GRIN2B: variants seen among roughly 807,000 people sequenced by gnomAD.
GRIN2B encodes glutamate receptor ionotropic, NMDA 2B.
A neutral mutation model predicts 114.5 loss-of-function variants in GRIN2B; 5 were observed. The observed-to-expected ratio is 0.04, with a 90% CI of 0.02 to 0.09. The LOEUF (loss-of-function observed/expected upper bound fraction) is 0.09. Among genes scored for constraint, GRIN2B ranks in the 10% least tolerant of loss-of-function variants. The probability of loss-of-function intolerance (pLI) is 1.00; values close to 1 mark genes in which losing one functional copy is unlikely to be tolerated. For synonymous variants in GRIN2B, 787 were observed against 745.1 expected (o/e 1.06, Z -0.92); for missense variants, 1,108 against 1,943.5 (o/e 0.57, Z 8.08).
intron 10 of GRIN2B, among the ~76,000 whole-genome samples, chr12:13,585,214 C>T (rs1036069825): frequency 3.9e-5 from 6 of 152,124 alleles, no homozygotes; most frequent in African/African-American, 9.7e-5. Flanking sequence ...GGTTCTAATA[C>T]GGTATCAGCA....
In GRIN2B at chr12:13,537,712, C is replaced by G. The variant is rs1591591066; in HGVS notation, c.*25071G>C. 1.3e-5 allele frequency: 2 copies of G among 152,252 alleles called. No individual in the cohort carries two copies. The highest frequency in any genetic ancestry group is 2.9e-5 in the Non-Finnish European group (2 of 68,104). The allele number at this position is 152,252 out of a possible 1,614,324, so 9.4% of individuals were successfully genotyped here. A position where few individuals can be genotyped will look rare whatever the true frequency, so the allele number is the denominator to read the frequency against. Reference sequence around the variant, plus strand: ...GCAAGTTTTCAACCCCTAACCCCTCCAGCCACCCAGGACAATTGAATGAGA... The same window carrying G: ...GCAAGTTTTCAACCCCTAACCCCTCGAGCCACCCAGGACAATTGAATGAGA... On this transcript the variant is annotated 3_prime_UTR_variant, in exon 14 of 14. Transcript: ENST00000609686.
intron 5 of GRIN2B, among the ~76,000 whole-genome samples, chr12:13,643,051 A>G (rs1949734375): frequency 6.6e-6 from 1 of 152,198 alleles, no homozygotes; most frequent in African/African-American, 2.4e-5. Context: ...TTTTTCAATG[A>G]TGAATGACCA....
chr12:13,610,501 T>A (rs1025268107), intron 9 of GRIN2B, among the ~76,000 whole-genome samples: 37 of 152,340 alleles, frequency 2.4e-4, no homozygotes, highest in African/African-American at 8.9e-4. Context: ...GGGATATAGG[T>A]CATGGCTTCT....
chr12:13,661,308 C>T (rs1418516359), intron 5 of GRIN2B, among the ~76,000 whole-genome samples: 1 of 152,172 alleles, frequency 6.6e-6, no homozygotes, highest in Non-Finnish European at 1.5e-5. Flanking sequence ...CCTTTAAATG[C>T]ATTAAAAGTC....
intron 10 of GRIN2B, among the ~76,000 whole-genome samples, chr12:13,605,131 G>C (rs886136058): frequency 6.7e-5 from 10 of 150,362 alleles, no homozygotes; most frequent in African/African-American, 2.5e-4. Context: ...GGAGTTCAGG[G>C]TCAGACAGAG....
chr12:13,760,081 G>T (rs1019052725), intron 3 of GRIN2B, among the ~76,000 whole-genome samples: 1 of 152,200 alleles, frequency 6.6e-6, no homozygotes, highest in African/African-American at 2.4e-5. Flanking sequence ...GCTGAAGCCT[G>T]TCCTCACTTT....
At chr12:13,591,343 G>A (rs943315659) in intron 10 of GRIN2B, among the ~76,000 whole-genome samples, 10 of 152,192 alleles carry the variant, frequency 6.6e-5, no homozygotes, top group Non-Finnish European at 1.0e-4. Context: ...GTTTAGGAGC[G>A]AACCCTGGGT....
chr12:13,702,779 T>A (rs117740642), intron 4 of GRIN2B, among the ~76,000 whole-genome samples: 3 of 152,290 alleles, frequency 2.0e-5, no homozygotes, highest in East Asian at 3.9e-4. Flanking sequence ...AAATTTTAAG[T>A]TATCATTTGC....
intron 3 of GRIN2B, among the ~76,000 whole-genome samples, chr12:13,804,431 A>G (rs1264546515): frequency 6.6e-6 from 1 of 151,986 alleles, no homozygotes; most frequent in Non-Finnish European, 1.5e-5. Context: ...AACCCCATCT[A>G]TTTTTAGTCC....
intron 3 of GRIN2B, among the ~76,000 whole-genome samples, chr12:13,838,813 T>G (rs1202294890): frequency 2.0e-5 from 3 of 152,264 alleles, no homozygotes; most frequent in Admixed American, 6.5e-5. Context: ...GGGTGGTGTG[T>G]AGAGGAAACT....
intron 5 of GRIN2B, among the ~76,000 whole-genome samples, chr12:13,635,250 C>A (rs1949657236): frequency 6.6e-6 from 1 of 152,156 alleles, no homozygotes; most frequent in South Asian, 2.1e-4. Flanking sequence ...CCTCTTCACA[C>A]TGAGAAGGGG....
chr12:13,697,935 G>A (rs926987121), intron 4 of GRIN2B, among the ~76,000 whole-genome samples: 2 of 152,182 alleles, frequency 1.3e-5, no homozygotes, highest in Non-Finnish European at 2.9e-5. Flanking sequence ...TCACAGATAA[G>A]ATCACTTTTG....
intron 3 of GRIN2B, among the ~76,000 whole-genome samples, chr12:13,769,032 T>A (rs555486249): frequency 6.6e-6 from 1 of 152,220 alleles, no homozygotes; most frequent in South Asian, 2.1e-4. Context: ...AGACTCTGTC[T>A]CAAAAAATAA....
intron 4 of GRIN2B, among the ~76,000 whole-genome samples, chr12:13,676,900 T>C (rs1950079992): frequency 6.6e-6 from 1 of 152,132 alleles, no homozygotes; most frequent in South Asian, 2.1e-4. Context: ...CACAGAGTGC[T>C]CTGGTTACTT....
chr12:13,787,951 C>G (rs1056673083), intron 3 of GRIN2B, among the ~76,000 whole-genome samples: 2 of 152,208 alleles, frequency 1.3e-5, no homozygotes, highest in Non-Finnish European at 2.9e-5. Context: ...CAACTTATCT[C>G]AAATACACCA....
chr12:13,948,235 G>T (rs569688001), intron 2 of GRIN2B, among the ~76,000 whole-genome samples: 1 of 152,216 alleles, frequency 6.6e-6, no homozygotes, highest in South Asian at 2.1e-4. Flanking sequence ...GAAAGTCTCT[G>T]CCAGGGGGGA....
At chr12:13,734,729 G>A (rs1778190189) in intron 4 of GRIN2B, among the ~76,000 whole-genome samples, 1 of 152,198 alleles carries the variant, frequency 6.6e-6, no homozygotes, top group South Asian at 2.1e-4. Flanking sequence ...CCATAGGTAT[G>A]AACAAAGGGC....
intron 3 of GRIN2B, among the ~76,000 whole-genome samples, chr12:13,762,021 TG>T (rs1291330815): frequency 6.6e-6 from 1 of 152,190 alleles, no homozygotes; most frequent in East Asian, 1.9e-4. Flanking sequence ...TTTCTTTTTT[TG>T]GAAGGGAGTC....
intron 10 of GRIN2B, among the ~76,000 whole-genome samples, chr12:13,584,478 TG>T (rs1329385476): frequency 1.3e-5 from 2 of 152,228 alleles, no homozygotes; most frequent in Non-Finnish European, 2.9e-5. Flanking sequence ...ATTTATTATA[TG>T]AAAAACTCCA....
Sources: gnomAD v4.1 joint callset for allele counts (sites outside exome capture counted in the v4.1 genomes callset) on GRCh38, gnomAD v4.1.1 for gene constraint, MANE v1.5 for transcripts, NCBI Gene and HGNC (gene_info 2026-07-23, HGNC 2026-07-21) for gene names.